Variants in IMMP2L observed in about 807,000 individuals in gnomAD.
IMMP2L encodes mitochondrial inner membrane protease subunit 2.
In IMMP2L, 18 loss-of-function variants were observed where a neutral mutation model predicts 19.3. The observed-to-expected ratio is 0.93, with a 90% CI of 0.64 to 1.38. IMMP2L has a LOEUF of 1.38. Among genes scored for constraint, IMMP2L ranks in the 40% most tolerant of loss-of-function variants. The pLI is 0.00. For synonymous variants in IMMP2L, 76 were observed against 73.0 expected (o/e 1.04, Z -0.21); for missense variants, 233 against 218.2 (o/e 1.07, Z -0.43).
At chr7:111,418,011 C>A (rs1835114814) in intron 3 of IMMP2L, among the ~76,000 whole-genome samples, 1 of 151,782 alleles carries the variant, frequency 6.6e-6, no homozygotes, top group Admixed American at 6.6e-5. Flanking sequence ...ATTTATCTTT[C>A]TAAATCTATA....
At chr7:110,994,330 G>T (rs1446312539) in intron 3 of IMMP2L, among the ~76,000 whole-genome samples, 1 of 152,004 alleles carries the variant, frequency 6.6e-6, no homozygotes, top group African/African-American at 2.4e-5. Context: ...ATCAGATGTT[G>T]TTCCTGAGTG....
chr7:110,724,352 T>A (rs1450136709), intron 5 of IMMP2L: 6 of 152,162 alleles, frequency 3.9e-5, no homozygotes, highest in Admixed American at 3.9e-4. Context: ...TAAGCTTAGA[T>A]GGGGCAAAAG....
In IMMP2L at chr7:111,535,476, TATATGAG is replaced by T. The variant is rs1005622608; in HGVS notation, c.-2-14034_-2-14028del. On this transcript the variant is annotated intron_variant, in intron 1 of 5. Coordinates refer to ENST00000405709, the MANE Select transcript of IMMP2L (RefSeq NM_032549.4). ...TGATTTATACCACACATTTTGATTC[TATATGAG>T]ATATATCTAAAGAAATGGTCTTTGC... is the stretch of plus-strand genomic sequence containing the variant. Among the ~76,000 whole-genome samples the T allele has an allele frequency of 4.6e-5, 7 of 152,164 alleles. No homozygotes were observed. In the East Asian group the frequency reaches 9.6e-4, roughly 21 times the overall value.
At chr7:111,135,006 G>T (rs1360578373) in intron 3 of IMMP2L, among the ~76,000 whole-genome samples, 4 of 151,952 alleles carry the variant, frequency 2.6e-5, no homozygotes, top group African/African-American at 9.7e-5. Flanking sequence ...TCATTTTATT[G>T]ATAAGGAAAT....
chr7:110,979,707 A>C (rs1218946237), intron 3 of IMMP2L, among the ~76,000 whole-genome samples: 1 of 152,042 alleles, frequency 6.6e-6, no homozygotes, highest in Non-Finnish European at 1.5e-5. Flanking sequence ...CAAAAACAAA[A>C]CCAAAAAAAC....
At chr7:110,944,619 C>T (rs1029281515) in intron 4 of IMMP2L, among the ~76,000 whole-genome samples, 2 of 151,928 alleles carry the variant, frequency 1.3e-5, no homozygotes, top group Non-Finnish European at 2.9e-5. Context: ...GGCGAAGTTA[C>T]TCATTTACTA....
intron 3 of IMMP2L, among the ~76,000 whole-genome samples, chr7:111,361,312 C>T (rs1250729762): frequency 1.3e-5 from 2 of 152,046 alleles, no homozygotes; most frequent in South Asian, 4.1e-4. Context: ...ACAAACTCAA[C>T]GTTATGCATA....
At chr7:111,441,540 T>A (rs189254472) in intron 3 of IMMP2L, among the ~76,000 whole-genome samples, 1 of 151,710 alleles carries the variant, frequency 6.6e-6, no homozygotes, top group East Asian at 1.9e-4. Context: ...TCAAAACAGT[T>A]ACAATGGTGA....
intron 3 of IMMP2L, among the ~76,000 whole-genome samples, chr7:111,167,727 A>C (rs904496912): frequency 1.3e-5 from 2 of 151,938 alleles, no homozygotes; most frequent in African/African-American, 2.4e-5. Flanking sequence ...CATGTGCCTC[A>C]AAAATAGCTG....
Position 111,539,192 on chromosome 7 carries a change from GAGGGAGAAAGAAAGA to G in IMMP2L, c.-2-17758_-2-17744del, listed in dbSNP as rs1270716604. On this transcript the variant is annotated intron_variant, in intron 1 of 5. Coordinates refer to ENST00000405709, the MANE Select transcript of IMMP2L (RefSeq NM_032549.4). ...GGAAGGAAGGAAGGAAGGAAGGAAG[GAGGGAGAAAGAAAGA>G]AAGAAAGAAAGAAAGAAAGAAAGAA... is the stretch of plus-strand genomic sequence containing the variant. Among the ~76,000 whole-genome samples the G allele has an allele frequency of 1.5e-3, 30 of 19,826 alleles. 1 individual carries two copies. The highest frequency in any genetic ancestry group is 4.4e-3 in the African/African-American group (26 of 5,854). 13.0% of individuals were successfully genotyped at this position (19,826 alleles called of 152,430 possible).
At chr7:111,006,146 TTGTCAC>T (rs1563153173) in intron 3 of IMMP2L, among the ~76,000 whole-genome samples, 1 of 152,148 alleles carries the variant, frequency 6.6e-6, no homozygotes, top group Non-Finnish European at 1.5e-5. Flanking sequence ...AAAGACTTAA[TTGTCAC>T]TGTCATCTTA....
rs148032628 is a variant in IMMP2L, at chr7:110,989,083, A to G, written c.240-25518T>C. On this transcript the variant is annotated intron_variant, in intron 3 of 5. Transcript: ENST00000405709. ...AAACCTCATCTCTGCTAAAAATACA[A>G]AATTAGCCGGGTGTCGTGGCACATG... Among the ~76,000 whole-genome samples the G allele has an allele frequency of 3.9e-3, 595 of 152,240 alleles. 3 individuals are homozygous for G. The highest frequency in any genetic ancestry group is 0.014 in the African/African-American group (574 of 41,536).
At chr7:111,015,249 A>T (rs2129564460) in intron 3 of IMMP2L, among the ~76,000 whole-genome samples, 1 of 152,278 alleles carries the variant, frequency 6.6e-6, no homozygotes, top group South Asian at 2.1e-4. Flanking sequence ...CCTATCATGT[A>T]ATAAAACATA....
At chr7:111,276,640 CGAA>C (rs1819098198) in intron 3 of IMMP2L, among the ~76,000 whole-genome samples, 2 of 105,902 alleles carry the variant, frequency 1.9e-5, no homozygotes, top group Admixed American at 9.9e-5. Flanking sequence ...CATGTGGAAC[CGAA>C]AAAAAAAAAA....
chr7:110,914,284 T>C (rs1813357203), intron 4 of IMMP2L, among the ~76,000 whole-genome samples: 1 of 152,330 alleles, frequency 6.6e-6, no homozygotes, highest in South Asian at 2.1e-4. Flanking sequence ...GCAGTTGATC[T>C]GGGAGCAACG....
chr7:110,962,933 T>G lies in IMMP2L; in HGVS notation c.305+567A>C, dbSNP rs566874077. 5.7e-6 allele frequency: 8 copies of G among 1,407,926 alleles called. No homozygotes were observed. The African/African-American group carries it at 1.2e-4, about 21-fold the overall frequency. The allele number at this position is 1,407,926 out of a possible 1,614,324, so 87.2% of individuals were successfully genotyped here. Reference sequence around the variant, plus strand: ...CCACACAGTATTTACTTGCTGAATGTCAACAATTGTTCTTGATTTATCAGC... The same window carrying G: ...CCACACAGTATTTACTTGCTGAATGGCAACAATTGTTCTTGATTTATCAGC... On this transcript the variant is annotated intron_variant, in intron 4 of 5. Transcript: ENST00000405709.
rs148907577 is a variant in IMMP2L at position 110,907,206 on chromosome 7, C to T, written c.306-20511G>A. On this transcript the variant is annotated intron_variant, in intron 4 of 5. Transcript: ENST00000405709. ...TGACAGCCTTTTGCGCCCACACTTA[C>T]GGCACCCAAGTTTTTGCCCAACATC... 3.1e-4 allele frequency among the ~76,000 whole-genome samples: 47 copies of T among 152,194 alleles called. 2 individuals are homozygous for T. The highest frequency in any genetic ancestry group is 8.9e-4 in the African/African-American group (37 of 41,526).
At chr7:111,497,360 G>A (rs963929457) in intron 2 of IMMP2L, among the ~76,000 whole-genome samples, 1 of 152,122 alleles carries the variant, frequency 6.6e-6, no homozygotes, top group Non-Finnish European at 1.5e-5. Context: ...TTACAATAGT[G>A]AATAGCTTCT....
At chr7:110,821,047 A>G (rs1802982047) in intron 5 of IMMP2L, among the ~76,000 whole-genome samples, 1 of 152,130 alleles carries the variant, frequency 6.6e-6, no homozygotes, top group South Asian at 2.1e-4. Flanking sequence ...ACTGACCTGT[A>G]TGCTTTATAT....
Sources: gnomAD v4.1 joint callset for allele counts (sites outside exome capture counted in the v4.1 genomes callset) on GRCh38, gnomAD v4.1.1 for gene constraint, MANE v1.5 for transcripts, NCBI Gene and HGNC (gene_info 2026-07-23, HGNC 2026-07-21) for gene names.